The following KDM4A variants were observed in gnomAD, a reference collection of about 807,000 sequenced individuals.
KDM4A encodes lysine-specific demethylase 4A.
KDM4A carries 23 observed loss-of-function variants against 127.1 expected under a neutral mutation model. The ratio of observed to expected loss-of-function variants is 0.18; its 90% CI spans 0.13 to 0.26. The LOEUF (loss-of-function observed/expected upper bound fraction) is 0.26. Ranked by LOEUF, KDM4A falls within the 10% of genes least tolerant of loss-of-function variation. The pLI is 1.00. For missense variants in KDM4A, 890 were observed against 1,329.1 expected, an observed-to-expected ratio of 0.67 and a Z score of 5.14; for synonymous variants, 443 against 466.5, an observed-to-expected ratio of 0.95 and a Z score of 0.65.
At chr1:43,696,127 G>A (rs1279515322) in intron 18 of KDM4A, among the ~76,000 whole-genome samples, 1 of 152,180 alleles carries the variant, frequency 6.6e-6, no homozygotes. Context: ...ATTCCCAGTG[G>A]GAGAAGCAGG....
chr1:43,684,673 A>G (rs1380997304), intron 12 of KDM4A, among the ~76,000 whole-genome samples: 1 of 152,120 alleles, frequency 6.6e-6, no homozygotes, highest in African/African-American at 2.4e-5. Context: ...GATCCTGGAT[A>G]GCGTTATCAT....
At position 43,691,514 on chromosome 1, in the gene KDM4A, C is replaced by T. The variant is rs757318540; in HGVS notation, c.2261C>T (p.Pro754Leu). ...RVHASCYGVP[P>L]AKASEDWMCS... ...CTGTTAGGTTGCTATGGGGTCCCCCCTGCAAAGGCTTCTGAAGACTGGATG... is the reference window on the plus strand; with the variant it reads ...CTGTTAGGTTGCTATGGGGTCCCCCTTGCAAAGGCTTCTGAAGACTGGATG... The change falls in exon 15 of 22, where the codon CCT (proline) becomes CTT (leucine). Residue 754 changes from proline to leucine, a missense_variant. Coordinates refer to ENST00000372396, the MANE Select transcript of KDM4A (RefSeq NM_014663.3). The T allele has an allele frequency of 5.6e-6, 9 of 1,613,694 alleles. No homozygotes were observed. The highest frequency in any genetic ancestry group is 2.2e-5 in the East Asian group (1 of 44,878).
In KDM4A at chr1:43,694,409, G is replaced by A. The variant is rs146107240; in HGVS notation, c.2485-300G>A. Among the ~76,000 whole-genome samples the A allele has an allele frequency of 4.6e-3, 699 of 152,056 alleles. 4 individuals carry two copies. Among genetic ancestry groups the A allele is most frequent in the African/African-American group, 0.016 (665 of 41,466 alleles). On this transcript the variant is annotated intron_variant, in intron 17 of 21. Coordinates refer to ENST00000372396, the MANE Select transcript of KDM4A (RefSeq NM_014663.3). This position sits in a 1 kb window ranked among gnomAD's most constrained non-coding sequence, Gnocchi z 5.2. The stretch of plus-strand genomic sequence containing the variant: ...TGCGCACCTATAATCCCAGCTCCTC[G>A]GGAATCTGAGGCAGGAGAATCACTT...
At chr1:43,670,705 A>G (rs1660599377) in intron 10 of KDM4A, among the ~76,000 whole-genome samples, 1 of 152,026 alleles carries the variant, frequency 6.6e-6, no homozygotes, top group Admixed American at 6.6e-5. Context: ...CTGGGACTAC[A>G]GATGCTTGCT....
intron 18 of KDM4A, among the ~76,000 whole-genome samples, chr1:43,697,098 A>G (rs773041997): frequency 1.3e-5 from 2 of 152,242 alleles, no homozygotes; most frequent in Non-Finnish European, 2.9e-5. Flanking sequence ...TCAGTGTGCA[A>G]GTAACTGGGG....
intron 4 of KDM4A, among the ~76,000 whole-genome samples, chr1:43,662,468 C>T (rs888920510): frequency 6.6e-6 from 1 of 152,010 alleles, no homozygotes; most frequent in Non-Finnish European, 1.5e-5. Context: ...ATTAGTTGGG[C>T]ATGGTGGTGG....
intron 12 of KDM4A, among the ~76,000 whole-genome samples, chr1:43,684,502 CAAAA>C (rs548105760): frequency 6.7e-6 from 1 of 149,222 alleles, no homozygotes; most frequent in Non-Finnish European, 1.5e-5. Context: ...GATGCCATCT[CAAAA>C]AAAAACAGAA....
chr1:43,677,672 T>C (rs146254846), intron 11 of KDM4A, among the ~76,000 whole-genome samples: 175 of 152,300 alleles, frequency 1.1e-3, no homozygotes, highest in African/African-American at 4.0e-3. Context: ...ACTGATGTTT[T>C]GGAAGATTGT....
intron 12 of KDM4A, among the ~76,000 whole-genome samples, chr1:43,686,018 A>G (rs1466031496): frequency 2.0e-5 from 3 of 152,158 alleles, no homozygotes; most frequent in Admixed American, 6.5e-5. Flanking sequence ...AAAGATGACC[A>G]TTTTGAATAT....
At chr1:43,689,128 G>A (rs202041957) in intron 13 of KDM4A, 33 bp downstream of exon 13, 2 of 1,602,038 alleles carry the variant, frequency 1.2e-6, no homozygotes, top group African/African-American at 2.7e-5. Flanking sequence ...GTTTACCCAG[G>A]ACCAGCAATC....
At chr1:43,703,135 G>C (rs193008155) in intron 19 of KDM4A, among the ~76,000 whole-genome samples, 1 of 152,064 alleles carries the variant, frequency 6.6e-6, no homozygotes, top group African/African-American at 2.4e-5. Context: ...GTAGAGATGG[G>C]GTTTCACCAT....
chr1:43,674,219 A>G (rs1660689118), intron 11 of KDM4A, among the ~76,000 whole-genome samples: 2 of 152,208 alleles, frequency 1.3e-5, no homozygotes, highest in Non-Finnish European at 2.9e-5. Flanking sequence ...CCGTGATTTC[A>G]GGTGTGAGCC....
Position 43,662,878 on chromosome 1 carries a change from GT to G in KDM4A, c.430-15del. ...ATGCAAATGTAACTTGCCCTGGACTGTCATTGCCTTTGCAGCATGTTGATGA... is the reference window on the plus strand; with the variant it reads ...ATGCAAATGTAACTTGCCCTGGACTGCATTGCCTTTGCAGCATGTTGATGA... On this transcript the variant is annotated splice_polypyrimidine_tract_variant and intron_variant, in intron 4 of 21. Coordinates refer to ENST00000372396, the MANE Select transcript of KDM4A (RefSeq NM_014663.3). 6.3e-7 allele frequency: 1 copy of G among 1,599,672 alleles called. No homozygotes were observed. The highest frequency in any genetic ancestry group is 2.2e-5 in the East Asian group (1 of 44,608).
chr1:43,677,371 A>C (rs1484800184), intron 11 of KDM4A, among the ~76,000 whole-genome samples: 1 of 151,346 alleles, frequency 6.6e-6, no homozygotes, highest in African/African-American at 2.4e-5. Context: ...AAAGGAAAAT[A>C]TGGTCACTTT....
intron 11 of KDM4A, among the ~76,000 whole-genome samples, chr1:43,677,258 T>C (rs898135332): frequency 2.0e-5 from 3 of 151,372 alleles, no homozygotes; most frequent in African/African-American, 4.9e-5. Context: ...GGCAGGAGAA[T>C]TGCTCGAATC....
chr1:43,672,573 C>T (rs1165204344), intron 11 of KDM4A, among the ~76,000 whole-genome samples: 1 of 151,618 alleles, frequency 6.6e-6, no homozygotes, highest in Non-Finnish European at 1.5e-5. Context: ...TGGCTCACTG[C>T]AAGCTCCGCC....
intron 19 of KDM4A, among the ~76,000 whole-genome samples, chr1:43,698,925 A>C (rs1199286395): frequency 6.6e-6 from 1 of 151,872 alleles, no homozygotes; most frequent in Non-Finnish European, 1.5e-5. Flanking sequence ...GGTAGCTGGG[A>C]CTACAGGAAC....
chr1:43,658,779 G>A (rs766426227), intron 3 of KDM4A, among the ~76,000 whole-genome samples: 2 of 152,092 alleles, frequency 1.3e-5, no homozygotes, highest in African/African-American at 2.4e-5. Context: ...TGGGATTACA[G>A]GCGTGAGCCA....
intron 11 of KDM4A, among the ~76,000 whole-genome samples, chr1:43,674,057 C>A (rs1239557818): frequency 6.6e-6 from 1 of 152,204 alleles, no homozygotes; most frequent in African/African-American, 2.4e-5. Flanking sequence ...TCCTCCCCAC[C>A]TCAGCCTCCC....
Sources: gnomAD v4.1 joint callset for allele counts (sites outside exome capture counted in the v4.1 genomes callset) on GRCh38, gnomAD v4.1.1 for gene constraint, Gnocchi (gnomAD v3.1) non-coding constraint, MANE v1.5 for transcripts, NCBI Gene and HGNC (gene_info 2026-07-23, HGNC 2026-07-21) for gene names.